The following SCAPER variants were observed in gnomAD, a reference collection of about 807,000 sequenced individuals.
SCAPER encodes the protein S phase cyclin A-associated protein in the endoplasmic reticulum.
In SCAPER, 98 loss-of-function variants were observed where a neutral mutation model predicts 182.2. The observed-to-expected ratio is 0.54, with a 90% CI of 0.46 to 0.64. The LOEUF is 0.64. Ranked by LOEUF, SCAPER falls within the 30% of genes least tolerant of loss-of-function variation. SCAPER has a pLI of 0.00. For synonymous variants in SCAPER, 605 were observed against 564.6 expected (o/e 1.07, Z -1.01); for missense variants, 1,432 against 1,690.0 (o/e 0.85, Z 2.68).
At chr15:76,769,066 G>A (rs1174335269) in intron 10 of SCAPER, among the ~76,000 whole-genome samples, 1 of 151,938 alleles carries the variant, frequency 6.6e-6, no homozygotes, top group East Asian at 1.9e-4. Context: ...CCTACAGAAT[G>A]GAGAAAATTT....
At chr15:76,582,906 A>T (rs1455892983) in intron 22 of SCAPER, among the ~76,000 whole-genome samples, 1 of 152,228 alleles carries the variant, frequency 6.6e-6, no homozygotes, top group Non-Finnish European at 1.5e-5. Flanking sequence ...CTGGATATCC[A>T]TACTCAAAAG....
chr15:76,494,112 C>G lies in SCAPER; in HGVS notation c.2954+10747G>C, dbSNP rs529871699. On this transcript the variant is annotated intron_variant, in intron 24 of 31. Coordinates refer to ENST00000563290, the MANE Select transcript of SCAPER (RefSeq NM_020843.4). ...TCTTTTATTAGTGCTTACTGGGGGT[C>G]TATGATGTAGCAGACACAGGAGGTG... Among the ~76,000 whole-genome samples the G allele has an allele frequency of 2.0e-3, 308 of 152,220 alleles. 3 individuals are homozygous for G. The highest frequency in any genetic ancestry group is 7.0e-3 in the African/African-American group (291 of 41,546).
rs55657392 is a variant in SCAPER at position 76,850,356 on chromosome 15, A to C, written c.195+7453T>G. 8.9e-3 allele frequency among the ~76,000 whole-genome samples: 1,349 copies of C among 152,294 alleles called. 15 individuals are homozygous for C. The highest frequency in any genetic ancestry group is 0.031 in the African/African-American group (1,275 of 41,570). On this transcript the variant is annotated intron_variant, in intron 4 of 31. Transcript: ENST00000563290. ...CTTCACTAGGCAGGGCCCATGGCTC[A>C]TGAATGCAGAACAGTCACCCCAGCC... is the stretch of plus-strand genomic sequence containing the variant.
chr15:76,765,303 T>C, intron 13 of SCAPER, 34 bp downstream of exon 13: 1 of 1,543,312 alleles, frequency 6.5e-7, no homozygotes, highest in Non-Finnish European at 8.9e-7. Flanking sequence ...TTCCTTGCTG[T>C]GAACCATTTC....
At chr15:76,527,952 C>T (rs2043329969) in intron 23 of SCAPER, among the ~76,000 whole-genome samples, 1 of 152,200 alleles carries the variant, frequency 6.6e-6, no homozygotes, top group African/African-American at 2.4e-5. Flanking sequence ...CATTGGCTTA[C>T]ATAACACTTC....
intron 8 of SCAPER, among the ~76,000 whole-genome samples, chr15:76,787,054 A>G (rs2064662493): frequency 6.6e-6 from 1 of 152,194 alleles, no homozygotes; most frequent in Admixed American, 6.5e-5. Flanking sequence ...TACTCTCTCT[A>G]AATTGATTAA....
Position 76,575,083 on chromosome 15 carries a change from T to C in SCAPER, c.2712-799A>G, listed in dbSNP as rs1429992945. 2.0e-5 allele frequency among the ~76,000 whole-genome samples: 3 copies of C among 152,320 alleles called. No individual in the cohort carries two copies. The South Asian group carries it at 6.2e-4, about 32-fold the overall frequency. ...ATTTCCTCTCTGTTGTTCTGTTTTT[T>C]ACTCTTCTTAGACAAACCCCAGCCG... On this transcript the variant is annotated intron_variant, in intron 22 of 31. Transcript: ENST00000563290.
At chr15:76,776,314 C>T (rs996997933) in intron 8 of SCAPER, among the ~76,000 whole-genome samples, 1 of 152,114 alleles carries the variant, frequency 6.6e-6, no homozygotes, top group Non-Finnish European at 1.5e-5. Flanking sequence ...TCTACTGCAG[C>T]CAAACACCAA....
At chr15:76,790,045 G>A (rs980858872) in intron 8 of SCAPER, among the ~76,000 whole-genome samples, 7 of 152,010 alleles carry the variant, frequency 4.6e-5, no homozygotes, top group Admixed American at 3.3e-4. Context: ...TGGCTAACAC[G>A]GTGAAACCCC....
chr15:76,526,444 C>A (rs1475286166), intron 23 of SCAPER, among the ~76,000 whole-genome samples: 1 of 152,082 alleles, frequency 6.6e-6, no homozygotes, highest in Non-Finnish European at 1.5e-5. Flanking sequence ...CACTGTGATG[C>A]CTTTATTCAA....
chr15:76,533,531 T>C (rs2043859385), intron 23 of SCAPER, among the ~76,000 whole-genome samples: 1 of 152,160 alleles, frequency 6.6e-6, no homozygotes, highest in South Asian at 2.1e-4. Flanking sequence ...CATCAAGGTC[T>C]GTGTAAGTAT....
intron 4 of SCAPER, among the ~76,000 whole-genome samples, chr15:76,847,518 ACC>A (rs1253960966): frequency 5.3e-5 from 8 of 152,080 alleles, no homozygotes; most frequent in Non-Finnish European, 1.2e-4. Flanking sequence ...GGGGATGAAT[ACC>A]CCATTTTCCA....
intron 1 of SCAPER, among the ~76,000 whole-genome samples, chr15:76,890,707 A>G (rs547679397): frequency 1.3e-5 from 2 of 152,350 alleles, no homozygotes; most frequent in African/African-American, 4.8e-5. Context: ...GTCCAGGACC[A>G]GATAGATTCA....
chr15:76,581,607 G>C (rs975436592), intron 22 of SCAPER, among the ~76,000 whole-genome samples: 1 of 152,142 alleles, frequency 6.6e-6, no homozygotes, highest in Admixed American at 6.5e-5. Context: ...TTTGTTTGGA[G>C]ACAGAGTCTC....
At chr15:76,414,192 TC>T (rs1353997381) in intron 26 of SCAPER, among the ~76,000 whole-genome samples, 1 of 152,154 alleles carries the variant, frequency 6.6e-6, no homozygotes, top group African/African-American at 2.4e-5. Flanking sequence ...TGGCAAGTAT[TC>T]CCTCCTCTCC....
At chr15:76,452,584 A>T (rs1372127718) in intron 25 of SCAPER, among the ~76,000 whole-genome samples, 1 of 152,204 alleles carries the variant, frequency 6.6e-6, no homozygotes, top group Non-Finnish European at 1.5e-5. Flanking sequence ...CTTTCCTTTC[A>T]TAAGAACAAT....
intron 14 of SCAPER, among the ~76,000 whole-genome samples, chr15:76,764,126 T>C (rs2062965786): frequency 6.6e-6 from 1 of 152,244 alleles, no homozygotes; most frequent in African/African-American, 2.4e-5. Context: ...ATTGCTCAGA[T>C]GGGAGCAATG....
chr15:76,752,944 G>A (rs1479503335), intron 15 of SCAPER, among the ~76,000 whole-genome samples: 1 of 151,568 alleles, frequency 6.6e-6, no homozygotes, highest in East Asian at 1.9e-4. Context: ...TAAAAAAAAT[G>A]ACTCAAATTA....
At chr15:76,898,096 G>T (rs536358219) in intron 1 of SCAPER, among the ~76,000 whole-genome samples, 1 of 152,142 alleles carries the variant, frequency 6.6e-6, no homozygotes, top group East Asian at 1.9e-4. Context: ...AGGTTAAAGG[G>T]GTTATGTTCT....
Sources: gnomAD v4.1 joint callset for allele counts (sites outside exome capture counted in the v4.1 genomes callset) on GRCh38, gnomAD v4.1.1 for gene constraint, MANE v1.5 for transcripts, NCBI Gene and HGNC (gene_info 2026-07-23, HGNC 2026-07-21) for gene names.